The following RIPOR3 variants were observed in gnomAD, a reference collection of about 807,000 sequenced individuals.
RIPOR3 encodes RIPOR family member 3, also known as family with sequence similarity 65 member C.
In RIPOR3, 95 loss-of-function variants were observed where a neutral mutation model predicts 114.3. The observed-to-expected ratio is 0.83, with a 90% CI of 0.70 to 0.99. The LOEUF is 0.99. Ranked by LOEUF, RIPOR3 falls within the 50% of genes least tolerant of loss-of-function variation. The pLI, the probability that RIPOR3 is intolerant of heterozygous loss-of-function variation, is 0.00. For missense variants in RIPOR3, 1,252 were observed against 1,266.9 expected (o/e 0.99, Z 0.18); for synonymous variants, 575 against 543.8 (o/e 1.06, Z -0.80).
Position 50,602,565 on chromosome 20 carries a change from TCAGA to T in RIPOR3, c.1162_1165del (p.Ser388ThrfsTer9), listed in dbSNP as rs750260808. 9.1e-6 allele frequency: 14 copies of T among 1,534,268 alleles called. No homozygotes were observed. The highest frequency in any genetic ancestry group is 4.5e-5 in the East Asian group (2 of 44,004). On this transcript the variant is annotated frameshift_variant, in exon 13 of 22. Coordinates refer to ENST00000327979, the MANE Select transcript of RIPOR3 (RefSeq NM_001290268.2). LOFTEE classifies it high-confidence loss of function. The surrounding 1 kb of genome is among the most constrained non-coding windows in gnomAD (Gnocchi z 4.3). ...TAGGCTGGGACCCCGGAGGTCGCTG[TCAGA>T]CAGGTAGCTGAGGATGGAGGTGGCC...
Position 50,610,961 on chromosome 20 carries a change from C to T in RIPOR3, c.373-55G>A. The T allele has an allele frequency of 1.9e-6, 3 of 1,611,330 alleles. 1 individual carries two copies. The highest frequency in any genetic ancestry group is 3.3e-4 in the Middle Eastern group (2 of 6,054). On this transcript the variant is annotated intron_variant, in intron 5 of 21. Coordinates refer to ENST00000327979, the MANE Select transcript of RIPOR3 (RefSeq NM_001290268.2). ...AAAGTTGCCTGGGCCACCCACCTGC[C>T]CCGCTTGCCCCTGCCACCCTCCTAC...
At chr20:50,640,908 C>CTTTTTT (rs1331789312) in intron 1 of RIPOR3, among the ~76,000 whole-genome samples, 1 of 134,502 alleles carries the variant, frequency 7.4e-6, no homozygotes, top group Non-Finnish European at 1.6e-5. Flanking sequence ...ATATGCACTT[C>CTTTTTT]TTTTTTTTTT....
At chr20:50,629,830 T>C (rs902047886) in intron 2 of RIPOR3, among the ~76,000 whole-genome samples, 6 of 152,204 alleles carry the variant, frequency 3.9e-5, no homozygotes, top group Admixed American at 6.5e-5. Flanking sequence ...CCCCATTGCC[T>C]AGTCTTCCAG....
chr20:50,599,389 C>G (rs2083417138), intron 13 of RIPOR3, among the ~76,000 whole-genome samples: 1 of 150,280 alleles, frequency 6.7e-6, no homozygotes, highest in Admixed American at 6.6e-5. Context: ...GAGACTCCGT[C>G]TCCAAAAAAA....
intron 4 of RIPOR3, chr20:50,614,792 C>T (rs938885935): frequency 1.2e-5 from 2 of 168,380 alleles, no homozygotes; most frequent in Non-Finnish European, 2.9e-5. Flanking sequence ...GGCACAGTGG[C>T]TCATGCCTGT....
chr20:50,604,532 C>T (rs2083626073), intron 12 of RIPOR3, 113 bp downstream of exon 12: 2 of 1,424,406 alleles, frequency 1.4e-6, no homozygotes, highest in Admixed American at 2.6e-5. Context: ...CAAACGGAAG[C>T]TGAGCCCGAG....
At chr20:50,642,819 C>T (rs1338216841) in intron 1 of RIPOR3, among the ~76,000 whole-genome samples, 6 of 151,908 alleles carry the variant, frequency 3.9e-5, no homozygotes, top group African/African-American at 7.2e-5. Context: ...GAGGTCAAAG[C>T]GGGCAGATCA....
intron 12 of RIPOR3, among the ~76,000 whole-genome samples, chr20:50,604,133 T>C (rs1053704900): frequency 4.0e-5 from 6 of 149,154 alleles, no homozygotes; most frequent in African/African-American, 1.5e-4. Context: ...TGCAGTGAGC[T>C]GACATTGCGT....
At position 50,590,335 on chromosome 20, in the gene RIPOR3, AG is replaced by A. The variant is rs1418562483; in HGVS notation, c.2578-567del. ...TTCATGTGTTATTGTAGGGTTTGTC[AG>A]AAAGCACACAGGGTTATGCCCGGCC... On this transcript the variant is annotated intron_variant, in intron 19 of 21. Coordinates refer to ENST00000327979, the MANE Select transcript of RIPOR3 (RefSeq NM_001290268.2). Among the ~76,000 whole-genome samples, 3 of 152,370 alleles carry A rather than the reference AG, an allele frequency of 2.0e-5. No homozygotes were observed. In the East Asian group the frequency reaches 5.8e-4, roughly 29 times the overall value.
intron 1 of RIPOR3, among the ~76,000 whole-genome samples, chr20:50,635,523 G>A (rs965526522): frequency 1.1e-4 from 17 of 152,052 alleles, no homozygotes; most frequent in East Asian, 3.9e-4. Context: ...ATGTGGTGGC[G>A]TGCACCTGTA....
rs1052911975 is a variant in RIPOR3, at chr20:50,612,167, T to C, written c.349-963A>G. Among the ~76,000 whole-genome samples the C allele has an allele frequency of 2.7e-5, 4 of 149,962 alleles. No homozygotes were observed. The South Asian group carries it at 8.5e-4, about 32-fold the overall frequency. On this transcript the variant is annotated intron_variant, in intron 4 of 21. Transcript: ENST00000327979. Reference sequence around the variant, plus strand: ...AAAAAAAGTAGGACCATCTAAAACATACACACCTTTGCCTACCTTAGAGTT... The same window carrying C: ...AAAAAAAGTAGGACCATCTAAAACACACACACCTTTGCCTACCTTAGAGTT...
intron 4 of RIPOR3, among the ~76,000 whole-genome samples, chr20:50,615,625 C>T (rs752644428): frequency 8.6e-5 from 13 of 152,036 alleles, no homozygotes; most frequent in Admixed American, 3.9e-4. Context: ...TCAAGGACAG[C>T]GGCAGAGGCC....
At chr20:50,685,716 G>A (rs1047823794) in intron 1 of RIPOR3, among the ~76,000 whole-genome samples, 27 of 138,228 alleles carry the variant, frequency 2.0e-4, no homozygotes, top group African/African-American at 5.9e-4. Context: ...AGCTACTCGG[G>A]AGGCTGAGGC....
chr20:50,587,455 G>T, intron 21 of RIPOR3, 123 bp from the exon 22 acceptor site: 1 of 796,476 alleles, frequency 1.3e-6, no homozygotes, highest in East Asian at 2.6e-5. Context: ...AAAGCGGCAG[G>T]GGAGGGAGTA....
intron 1 of RIPOR3, among the ~76,000 whole-genome samples, chr20:50,650,723 T>C (rs2085571283): frequency 6.6e-6 from 1 of 152,144 alleles, no homozygotes; most frequent in South Asian, 2.1e-4. Flanking sequence ...GAAGTACCAA[T>C]ATCACTATTG....
intron 2 of RIPOR3, chr20:50,620,628 AAAATAAATAAATAAATAAATAAAT>A (rs146738887): frequency 0.74 from 120,513 of 162,656 alleles, 45,019 homozygotes; most frequent in Middle Eastern, 0.88. Flanking sequence ...CTCAGTCTTA[AAAATAAATAAATAAATAAATAAAT>A]AAATAAATAA....
intron 3 of RIPOR3, 90 bp downstream of exon 3, chr20:50,619,896 A>G (rs1160765946): frequency 2.5e-5 from 37 of 1,498,150 alleles, no homozygotes; most frequent in Non-Finnish European, 3.3e-5. Flanking sequence ...TCTTGTAGAC[A>G]AGACCCATCC....
At chr20:50,606,937 C>G (rs2083744664) in intron 11 of RIPOR3, among the ~76,000 whole-genome samples, 1 of 152,122 alleles carries the variant, frequency 6.6e-6, no homozygotes, top group Non-Finnish European at 1.5e-5. Context: ...GCCTTGTTGG[C>G]CAGGCTGGTC....
In RIPOR3 at chr20:50,592,515, T is replaced by G. The variant is rs1443377427; in HGVS notation, c.2406A>C (p.Gly802=). 4 of 1,590,630 alleles carry G rather than the reference T, an allele frequency of 2.5e-6. No individual in the cohort carries two copies. Among genetic ancestry groups the G allele is most frequent in the Non-Finnish European group, 3.4e-6 (4 of 1,166,414 alleles). The change falls in exon 19 of 22, where the codon GGA becomes GGC. Residue 802 remains glycine, a synonymous_variant. Coordinates refer to ENST00000327979, the MANE Select transcript of RIPOR3 (RefSeq NM_001290268.2). ...GCAGCTTCCGGACCACCTTGGCCTG[T>G]CCCGCACAGTGAAGCTCCTCGATGA... is the stretch of plus-strand genomic sequence containing the variant. ...VTLIEELHCA[G]QAKVVRKLQG...
Sources: allele counts gnomAD v4.1 joint callset (sites outside exome capture counted in the v4.1 genomes callset), GRCh38; gene constraint gnomAD v4.1.1; non-coding constraint Gnocchi (gnomAD v3.1); transcripts MANE v1.5; gene names NCBI Gene and HGNC (gene_info 2026-07-23, HGNC 2026-07-21).